The following ARHGAP26 variants were observed in gnomAD, a reference collection of about 807,000 sequenced individuals.
The protein encoded by ARHGAP26 is rho GTPase-activating protein 26.
Under a neutral mutation model 104.8 loss-of-function variants are expected in ARHGAP26, and 38 were observed. The ratio of observed to expected loss-of-function variants is 0.36; its 90% confidence interval spans 0.28 to 0.48. The LOEUF is 0.48. Ranked by LOEUF, ARHGAP26 falls within the 20% of genes least tolerant of loss-of-function variation. ARHGAP26 has a pLI of 0.99. For missense variants in ARHGAP26, 704 were observed against 947.9 expected (o/e 0.74, Z 3.38); for synonymous variants, 341 against 340.0 (o/e 1.00, Z -0.03).
intron 11 of ARHGAP26, among the ~76,000 whole-genome samples, chr5:142,951,453 T>G (rs1768373309): frequency 1.3e-5 from 2 of 152,186 alleles, no homozygotes; most frequent in Admixed American, 1.3e-4. Flanking sequence ...ATTTATTGCT[T>G]ATTTAGGCCC....
In ARHGAP26 at chr5:142,770,805, G is replaced by A; in HGVS notation, c.44G>A (p.Ser15Asn). ...GAGTTCAGCGACTGCTGCCTCGATA[G>A]TCCGCACTTCCGAGAGACGCTCAAG... ...ALEFSDCCLD[S>N]PHFRETLKSH... The change falls in exon 1 of 23, where the codon AGT becomes AAT. Residue 15 changes from serine to asparagine, a missense_variant. By Grantham distance (46) the Ser-to-Asn change is conservative (BLOSUM62 1). Coordinates refer to ENST00000645722, the MANE Select transcript of ARHGAP26 (RefSeq NM_001135608.3). The A allele has an allele frequency of 6.2e-7, 1 of 1,602,094 alleles. No individual in the cohort carries two copies. Among genetic ancestry groups the A allele is most frequent in the South Asian group, 1.1e-5 (1 of 90,118 alleles).
At chr5:142,928,706 T>G (rs1764270291) in intron 10 of ARHGAP26, among the ~76,000 whole-genome samples, 1 of 152,214 alleles carries the variant, frequency 6.6e-6, no homozygotes, top group Non-Finnish European at 1.5e-5. Flanking sequence ...TAAAGGGGAA[T>G]AATAAGAATA....
intron 22 of ARHGAP26, among the ~76,000 whole-genome samples, chr5:143,218,492 T>C (rs1810676102): frequency 6.6e-6 from 1 of 152,196 alleles, no homozygotes; most frequent in African/African-American, 2.4e-5. Flanking sequence ...AAGACTTCTT[T>C]TGGGGACAGT....
intron 9 of ARHGAP26, among the ~76,000 whole-genome samples, chr5:142,911,620 C>T (rs906127060): frequency 3.3e-5 from 5 of 152,304 alleles, no homozygotes; most frequent in South Asian, 2.1e-4. Flanking sequence ...TAGATTTTTG[C>T]TGATATGGTA....
intron 12 of ARHGAP26, among the ~76,000 whole-genome samples, chr5:143,028,241 C>T (rs181262055): frequency 6.6e-6 from 1 of 152,278 alleles, no homozygotes; most frequent in East Asian, 1.9e-4. Context: ...GTAGTCTGTG[C>T]TCAGTAAGTG....
At chr5:143,211,708 A>G (rs1438797286) in intron 21 of ARHGAP26, among the ~76,000 whole-genome samples, 1 of 151,284 alleles carries the variant, frequency 6.6e-6, no homozygotes, top group Non-Finnish European at 1.5e-5. Flanking sequence ...CCTGGACTCC[A>G]CACGTGTCCC....
chr5:142,836,743 G>A (rs1769654648), intron 1 of ARHGAP26, among the ~76,000 whole-genome samples: 3 of 152,156 alleles, frequency 2.0e-5, no homozygotes. Context: ...TGTTGTTATT[G>A]CCACCCTTCC....
At chr5:142,874,457 T>G (rs1755786146) in intron 2 of ARHGAP26, among the ~76,000 whole-genome samples, 1 of 152,224 alleles carries the variant, frequency 6.6e-6, no homozygotes, top group South Asian at 2.1e-4. Flanking sequence ...GGTGAAAATG[T>G]ATCCTTGTAA....
chr5:142,879,342 C>T lies in ARHGAP26; in HGVS notation c.313-32C>T, dbSNP rs778273591. On this transcript the variant is annotated intron_variant, in intron 3 of 22. Coordinates refer to ENST00000645722, the MANE Select transcript of ARHGAP26 (RefSeq NM_001135608.3). ...TTCTTTACTGATACTGCTTTTGTGTCTTCTTTCCCTTACTCTGTTGTTCTT... is the reference window on the plus strand; with the variant it reads ...TTCTTTACTGATACTGCTTTTGTGTTTTCTTTCCCTTACTCTGTTGTTCTT... 1.9e-6 allele frequency: 3 copies of T among 1,598,928 alleles called. No individual in the cohort carries two copies. The South Asian group carries it at 3.3e-5, about 18-fold the overall frequency.
chr5:143,014,329 GAC>G, intron 12 of ARHGAP26: 1 of 600,940 alleles, frequency 1.7e-6, no homozygotes. Context: ...GTAGTGTAGT[GAC>G]ACCTTGCATT....
chr5:142,915,796 C>T (rs1215897674), intron 10 of ARHGAP26: 1 of 152,172 alleles, frequency 6.6e-6, no homozygotes, highest in Non-Finnish European at 1.5e-5. Flanking sequence ...ACCCCAGTGC[C>T]TTTCTGTTTT....
intron 17 of ARHGAP26, among the ~76,000 whole-genome samples, chr5:143,071,678 C>A (rs112803309): frequency 6.6e-6 from 1 of 152,006 alleles, no homozygotes; most frequent in South Asian, 2.1e-4. Context: ...GAGGCTGAGG[C>A]GGGCAGATTG....
At chr5:143,107,221 T>C (rs531677707) in intron 17 of ARHGAP26, among the ~76,000 whole-genome samples, 5 of 152,218 alleles carry the variant, frequency 3.3e-5, no homozygotes, top group African/African-American at 1.2e-4. Context: ...GTTAGAGCTC[T>C]GTGAATAAGA....
chr5:143,137,542 C>T (rs948055058), intron 19 of ARHGAP26, among the ~76,000 whole-genome samples: 1 of 152,250 alleles, frequency 6.6e-6, no homozygotes, highest in African/African-American at 2.4e-5. Flanking sequence ...GGCACATGCA[C>T]ATGCGCACTC....
intron 12 of ARHGAP26, among the ~76,000 whole-genome samples, chr5:143,027,504 A>G (rs1299626790): frequency 6.6e-6 from 1 of 151,726 alleles, no homozygotes; most frequent in Non-Finnish European, 1.5e-5. Context: ...ATATATACAT[A>G]TACTACTTTT....
chr5:143,166,977 G>A (rs1802040634), intron 20 of ARHGAP26, among the ~76,000 whole-genome samples: 1 of 152,136 alleles, frequency 6.6e-6, no homozygotes, highest in Non-Finnish European at 1.5e-5. Context: ...TTTTTCTGAA[G>A]TCATAAAAGC....
At chr5:142,984,386 A>C (rs1385653911) in intron 11 of ARHGAP26, among the ~76,000 whole-genome samples, 1 of 152,246 alleles carries the variant, frequency 6.6e-6, no homozygotes, top group Non-Finnish European at 1.5e-5. Context: ...AGTAGCTGTC[A>C]CACTTGTTTC....
chr5:143,033,484 A>G (rs575243603), intron 12 of ARHGAP26, among the ~76,000 whole-genome samples: 1 of 152,208 alleles, frequency 6.6e-6, no homozygotes, highest in Non-Finnish European at 1.5e-5. Context: ...CACACACACA[A>G]AAAAAGGTTC....
At chr5:143,214,158 C>G in intron 22 of ARHGAP26, 70 bp downstream of exon 22, 1 of 894,176 alleles carries the variant, frequency 1.1e-6, no homozygotes, top group Non-Finnish European at 1.8e-6. Context: ...AAATAACTGG[C>G]ATTTTCAAAG....
Sources: allele counts gnomAD v4.1 joint callset (sites outside exome capture counted in the v4.1 genomes callset), GRCh38; gene constraint gnomAD v4.1.1; transcripts MANE v1.5; gene names NCBI Gene and HGNC (gene_info 2026-07-23, HGNC 2026-07-21).